The following ERCC4 variants were observed in gnomAD, a reference collection of about 807,000 sequenced individuals.
The protein encoded by ERCC4 is ERCC excision repair 4, endonuclease catalytic subunit.
In ERCC4, 65 loss-of-function variants were observed where a neutral mutation model predicts 76.9. That is an observed-to-expected ratio of 0.84 (90% CI 0.69 to 1.04). The LOEUF is 1.04. Among genes scored for constraint, ERCC4 ranks in the 50% least tolerant of loss-of-function variants. The pLI is 0.00. For missense variants in ERCC4, 1,214 were observed against 1,128.2 expected (o/e 1.08, Z -1.09); for synonymous variants, 463 against 410.1 (o/e 1.13, Z -1.56).
Position 13,935,143 on chromosome 16 carries a change from C to G in ERCC4, c.1214-3C>G. ...GTAACATAATGTTGTTTTCTATTTT[C>G]AGGTCAAGTACTGATTTGTGCAAGT... On this transcript the variant is annotated splice_polypyrimidine_tract_variant and splice_region_variant and intron_variant, in intron 7 of 10. Coordinates refer to ENST00000311895, the MANE Select transcript of ERCC4 (RefSeq NM_005236.3). 6.2e-7 allele frequency: 1 copy of G among 1,605,642 alleles called. No homozygotes were observed. Among genetic ancestry groups the G allele is most frequent in the Non-Finnish European group, 8.5e-7 (1 of 1,172,228 alleles).
In ERCC4 at chr16:13,950,861, G is replaced by A. The variant is rs553578280; in HGVS notation, c.*2514G>A. 6.1e-5 allele frequency: 12 copies of A among 196,572 alleles called. No homozygotes were observed. Among genetic ancestry groups the A allele is most frequent in the Non-Finnish European group, 1.3e-4 (12 of 94,774 alleles). 12.2% of individuals were successfully genotyped at this position (196,572 alleles called of 1,614,324 possible). ...CTTCCTAAAGCTACCATTTTCAACC[G>A]TCCTTGTTATCTAGTACAACATAAA... On this transcript the variant is annotated 3_prime_UTR_variant, in exon 11 of 11. Coordinates refer to ENST00000311895, the MANE Select transcript of ERCC4 (RefSeq NM_005236.3).
chr16:13,934,089 G>T lies in ERCC4; in HGVS notation c.1103-103G>T, dbSNP rs553449422. On this transcript the variant is annotated intron_variant, in intron 6 of 10. Transcript: ENST00000311895. ...TTATAAAGAAAGCTTAAATAAATGG[G>T]CATATGTACTGATGCTCGTGTTATC... is the stretch of plus-strand genomic sequence containing the variant. The T allele has an allele frequency of 1.3e-4, 88 of 699,328 alleles. 2 individuals are homozygous for T. Among genetic ancestry groups the T allele is most frequent in the South Asian group, 7.8e-4 (47 of 60,078 alleles). The allele number at this position is 699,328 out of a possible 1,614,324, so 43.3% of individuals were successfully genotyped here.
At chr16:13,942,407 G>A (rs2032428204) in intron 9 of ERCC4, among the ~76,000 whole-genome samples, 1 of 152,178 alleles carries the variant, frequency 6.6e-6, no homozygotes, top group Non-Finnish European at 1.5e-5. Flanking sequence ...GGAAACAATT[G>A]TGGAATTATT....
At chr16:13,920,425 C>A in intron 1 of ERCC4, 53 bp downstream of exon 1, 1 of 1,475,814 alleles carries the variant, frequency 6.8e-7, no homozygotes, top group Non-Finnish European at 9.1e-7. Flanking sequence ...TTGAGGGCCT[C>A]CTGAGCGGAT....
chr16:13,928,088 T>C lies in ERCC4; in HGVS notation c.645T>C (p.His215=). 6.2e-7 allele frequency: 1 copy of C among 1,613,660 alleles called. No individual in the cohort carries two copies. The highest frequency in any genetic ancestry group is 8.5e-7 in the Non-Finnish European group (1 of 1,179,662). The change falls in exon 4 of 11, where the codon CAT becomes CAC. Residue 215 remains histidine, a synonymous_variant. Coordinates refer to ENST00000311895, the MANE Select transcript of ERCC4 (RefSeq NM_005236.3). ...EQHKPEVVEI[H]VSMTPTMLAI... is the part of the protein sequence containing the mutation. ...ACAAACCTGAAGTTGTAGAAATCCA[T>C]GTTTCTATGACACCTACCATGCTTG...
chr16:13,935,323 A>T lies in ERCC4; in HGVS notation c.1391A>T (p.Lys464Ile), dbSNP rs780488548. ...GAAGACAGTTCAAAGAGAATTAGGA[A>T]ATCTCACAAAAGACCTAAAGACCCC... ...RKEDSSKRIR[K>I]SHKRPKDPQN... The change falls in exon 8 of 11, where the codon AAA (lysine) becomes ATA (isoleucine). Residue 464 changes from lysine to isoleucine, a missense_variant. Transcript: ENST00000311895. 1.1e-5 allele frequency: 18 copies of T among 1,613,694 alleles called. No individual in the cohort carries two copies. The South Asian group carries it at 1.6e-4, about 15-fold the overall frequency.
chr16:13,936,958 C>A (rs1390990857), intron 8 of ERCC4, among the ~76,000 whole-genome samples: 1 of 148,110 alleles, frequency 6.8e-6, no homozygotes, highest in African/African-American at 2.5e-5. Context: ...GATGCCCAGA[C>A]TGGAGTGCAG....
At chr16:13,941,382 A>G (rs2032410798) in intron 9 of ERCC4, among the ~76,000 whole-genome samples, 1 of 152,202 alleles carries the variant, frequency 6.6e-6, no homozygotes, top group Non-Finnish European at 1.5e-5. Context: ...AAACTTGGGA[A>G]ATTTGAGAGG....
chr16:13,951,514 A>T lies in ERCC4; in HGVS notation c.*3167A>T. 1 of 211,744 alleles carries T rather than the reference A, an allele frequency of 4.7e-6. No homozygotes were observed. The highest frequency in any genetic ancestry group is 9.6e-6 in the Non-Finnish European group (1 of 104,324). 13.1% of individuals were successfully genotyped at this position (211,744 alleles called of 1,614,324 possible). A position where few individuals can be genotyped will look rare whatever the true frequency, so the allele number is the denominator to read the frequency against. Reference sequence around the variant, plus strand: ...TCATAAATATTATCCTTTTGGCAGTAAGCTATTACTAATTCAGCCTGAAGC... The same window carrying T: ...TCATAAATATTATCCTTTTGGCAGTTAGCTATTACTAATTCAGCCTGAAGC... On this transcript the variant is annotated 3_prime_UTR_variant, in exon 11 of 11. Coordinates refer to ENST00000311895, the MANE Select transcript of ERCC4 (RefSeq NM_005236.3).
chr16:13,950,615 A>C lies in ERCC4; in HGVS notation c.*2268A>C, dbSNP rs2032613170. On this transcript the variant is annotated 3_prime_UTR_variant, in exon 11 of 11. Transcript: ENST00000311895. ...TATTGTTTTATTGAATATAGTTCAG[A>C]GTATATTAAAATAGACCTACCACTT... 1 of 192,624 alleles carries C rather than the reference A, an allele frequency of 5.2e-6. No homozygotes were observed. Among genetic ancestry groups the C allele is most frequent in the Non-Finnish European group, 1.1e-5 (1 of 92,392 alleles). 11.9% of individuals were successfully genotyped at this position (192,624 alleles called of 1,614,324 possible). A position where few individuals can be genotyped will look rare whatever the true frequency, so the allele number is the denominator to read the frequency against.
rs2032186035 is a variant in ERCC4, at chr16:13,932,216, C to CTA, written c.1033_1034insTA (p.His345LeufsTer8). On this transcript the variant is annotated frameshift_variant, in exon 6 of 11. Coordinates refer to ENST00000311895, the MANE Select transcript of ERCC4 (RefSeq NM_005236.3). LOFTEE classifies it high-confidence loss of function. ...TATAAATGCTCGAGCAAGGGTTTAT[C>CTA]ATCTTCCAGATGCCAAAATGAGTAA... 6.2e-7 allele frequency: 1 copy of CTA among 1,612,188 alleles called. No individual in the cohort carries two copies. Among genetic ancestry groups the CTA allele is most frequent in the African/African-American group, 1.3e-5 (1 of 74,850 alleles).
At position 13,951,646 on chromosome 16, in the gene ERCC4, G is replaced by A. The variant is rs551258089; in HGVS notation, c.*3299G>A. ...TTCATCAACCCACTAGGATGTGAAGGGTTAAGTCTAGATTTGGTCGCATTG... is the reference window on the plus strand; with the variant it reads ...TTCATCAACCCACTAGGATGTGAAGAGTTAAGTCTAGATTTGGTCGCATTG... On this transcript the variant is annotated 3_prime_UTR_variant, in exon 11 of 11. Coordinates refer to ENST00000311895, the MANE Select transcript of ERCC4 (RefSeq NM_005236.3). 24 of 217,754 alleles carry A rather than the reference G, an allele frequency of 1.1e-4. No individual in the cohort carries two copies. The highest frequency in any genetic ancestry group is 1.0e-3 in the Admixed American group (18 of 17,274). 13.5% of individuals were successfully genotyped at this position (217,754 alleles called of 1,614,324 possible).
chr16:13,922,611 G>T, intron 2 of ERCC4: 1 of 618,536 alleles, frequency 1.6e-6, no homozygotes, highest in Middle Eastern at 3.1e-4. Flanking sequence ...CACAGTTCGT[G>T]CAGCAAATAG....
chr16:13,924,356 T>C (rs2032035245), intron 2 of ERCC4, among the ~76,000 whole-genome samples: 1 of 152,214 alleles, frequency 6.6e-6, no homozygotes, highest in South Asian at 2.1e-4. Context: ...GACAGGAGGA[T>C]GCTTTCATTG....
At chr16:13,936,059 T>A (rs2032285702) in intron 8 of ERCC4, among the ~76,000 whole-genome samples, 1 of 152,232 alleles carries the variant, frequency 6.6e-6, no homozygotes, top group Non-Finnish European at 1.5e-5. Context: ...CATAATATTC[T>A]AATTTCTAAC....
intron 8 of ERCC4, among the ~76,000 whole-genome samples, chr16:13,936,865 TCTCTTAGCAA>T (rs932277394): frequency 6.6e-6 from 1 of 150,380 alleles, no homozygotes; most frequent in Non-Finnish European, 1.5e-5. Context: ...TTAATTCAGC[TCTCTTAGCAA>T]CAAACAAGAT....
rs1014770923 is a variant in ERCC4 at position 13,920,276 on chromosome 16, C to T, written c.111C>T (p.Arg37=). The change falls in exon 1 of 11, where the codon CGC becomes CGT. Residue 37 remains arginine (R), a synonymous_variant. Transcript: ENST00000311895. ...LDTDGLVVCA[R]GLGADRLLYH... is the part of the protein sequence containing the mutation. ...CTGACGGGCTAGTAGTGTGCGCCCG[C>T]GGGCTCGGCGCGGACCGGCTCCTCT... The T allele has an allele frequency of 6.2e-7, 1 of 1,606,158 alleles. No homozygotes were observed.
At chr16:13,921,669 A>C (rs1477459456) in intron 1 of ERCC4, among the ~76,000 whole-genome samples, 7 of 152,200 alleles carry the variant, frequency 4.6e-5, no homozygotes, top group Admixed American at 1.3e-4. Context: ...CCTTGTTATC[A>C]TCTCATAGAA....
In ERCC4 at chr16:13,930,783, A is replaced by G; in HGVS notation, c.866A>G (p.Lys289Arg). ...AKTKSLVQDL[K>R]ILRTLLQYLS... The stretch of plus-strand genomic sequence containing the variant: ...ACTAAATCCTTAGTTCAGGATTTGA[A>G]GATATTACGAACTTTGCTGCAGTAT... Residue 289 changes from lysine (K) to arginine (R), a missense_variant, in exon 5 of 11, where the codon AAG (lysine) becomes AGG (arginine). Coordinates refer to ENST00000311895, the MANE Select transcript of ERCC4 (RefSeq NM_005236.3). The G allele has an allele frequency of 6.2e-7, 1 of 1,612,268 alleles. No individual in the cohort carries two copies. The highest frequency in any genetic ancestry group is 8.5e-7 in the Non-Finnish European group (1 of 1,178,334).
Sources: gnomAD v4.1 joint callset for allele counts (sites outside exome capture counted in the v4.1 genomes callset) on GRCh38, gnomAD v4.1.1 for gene constraint, MANE v1.5 for transcripts, NCBI Gene and HGNC (gene_info 2026-07-23, HGNC 2026-07-21) for gene names.